The following UTP11 variants were observed in gnomAD, a reference collection of about 807,000 sequenced individuals.
UTP11 encodes UTP11 small subunit processome component.
Under a neutral mutation model 39.0 loss-of-function variants are expected in UTP11, and 29 were observed. That is an observed-to-expected ratio of 0.74 (90% CI 0.55 to 1.01). UTP11 has a LOEUF of 1.01. UTP11 is among the 50% of genes least tolerant of loss of function. The probability of loss-of-function intolerance (pLI) is 0.00; values close to 1 mark genes in which losing one functional copy is unlikely to be tolerated. For missense variants in UTP11, 281 were observed against 306.0 expected (o/e 0.92, Z 0.61); for synonymous variants, 111 against 105.0 (o/e 1.06, Z -0.35).
rs1045818016 is a variant in UTP11 at position 38,014,584 on chromosome 1, G to T, written c.63+1719G>T. Among the ~76,000 whole-genome samples, 4 of 152,140 alleles carry T rather than the reference G, an allele frequency of 2.6e-5. No homozygotes were observed. In the East Asian group the frequency reaches 7.7e-4, roughly 29 times the overall value. On this transcript the variant is annotated intron_variant, in intron 1 of 7. Transcript: ENST00000373014. ...CCCTTTAGCTTGCTTTCTCTACTCTGTTAACCTCCCTTTGCTGTAATTAAA... is the reference window on the plus strand; with the variant it reads ...CCCTTTAGCTTGCTTTCTCTACTCTTTTAACCTCCCTTTGCTGTAATTAAA...
At chr1:38,021,260 T>G (rs1383903165) in intron 6 of UTP11, among the ~76,000 whole-genome samples, 1 of 152,176 alleles carries the variant, frequency 6.6e-6, no homozygotes, top group Non-Finnish European at 1.5e-5. Context: ...CTGACGCTTC[T>G]CAAGAATTGT....
At chr1:38,016,848 G>A in intron 2 of UTP11, 1 of 171,380 alleles carries the variant, frequency 5.8e-6, no homozygotes, top group East Asian at 1.6e-4. Flanking sequence ...ACCAAGCGTG[G>A]GTGATAATGA....
In UTP11 at chr1:38,022,741, C is replaced by T; in HGVS notation, c.610C>T (p.Gln204Ter). 1 of 1,614,002 alleles carries T rather than the reference C, an allele frequency of 6.2e-7. No homozygotes were observed. Among genetic ancestry groups the T allele is most frequent in the Non-Finnish European group, 8.5e-7 (1 of 1,179,940 alleles). Residue 204 changes from glutamine (Q) to a stop codon, truncating the protein, a stop_gained, in exon 7 of 8, where the codon CAG becomes TAG. Coordinates refer to ENST00000373014, the MANE Select transcript of UTP11 (RefSeq NM_016037.4). LOFTEE classifies it high-confidence loss of function. ...ERQKQYNCLTQRIEREKKLFV... is the reference protein window; with the variant it reads ...ERQKQYNCLT ...GCAAAAGCAGTATAACTGCCTGACA[C>T]AGCGGATTGAACGAGAGAAGAAATT...
rs1388899334 is a variant in UTP11 at position 38,024,330 on chromosome 1, C to T, written c.*702C>T. 6 of 151,754 alleles carry T rather than the reference C, an allele frequency of 4.0e-5. No individual in the cohort carries two copies. In the East Asian group the frequency reaches 5.8e-4, roughly 15 times the overall value. The allele number at this position is 151,754 out of a possible 1,614,324, so 9.4% of individuals were successfully genotyped here. A position where few individuals can be genotyped will look rare whatever the true frequency, so the allele number is the denominator to read the frequency against. ...AGTTGATTTCCTCCATTTTGTAAAA[C>T]GAGGCATCACTTTTTGTCCATGTTT... On this transcript the variant is annotated 3_prime_UTR_variant, in exon 8 of 8. Coordinates refer to ENST00000373014, the MANE Select transcript of UTP11 (RefSeq NM_016037.4).
chr1:38,017,700 C>T lies in UTP11; in HGVS notation c.158C>T (p.Ala53Val). Residue 53 changes from alanine to valine, a missense_variant, in exon 3 of 8, where the codon GCT (alanine) becomes GTT (valine). By Grantham distance (64) the Ala-to-Val change is moderately conservative (BLOSUM62 0). Transcript: ENST00000373014. ...CGTAAAAAACAAGAATACCTCAAAG[C>T]TCTTCGGAAGAAGGCTCTTGAAAAA... is the stretch of plus-strand genomic sequence containing the variant. The part of the protein sequence containing the change: ...DYRKKQEYLK[A>V]LRKKALEKNP... 1 of 1,600,588 alleles carries T rather than the reference C, an allele frequency of 6.2e-7. No individual in the cohort carries two copies. The highest frequency in any genetic ancestry group is 8.5e-7 in the Non-Finnish European group (1 of 1,173,866).
chr1:38,019,007 TTG>T, intron 4 of UTP11, 50 bp from the exon 5 acceptor site: 1 of 1,422,752 alleles, frequency 7.0e-7, no homozygotes, highest in Non-Finnish European at 9.5e-7. Flanking sequence ...TTTTTTTTTT[TTG>T]GTACCCTAGA....
intron 1 of UTP11, among the ~76,000 whole-genome samples, chr1:38,013,104 G>A (rs1424666030): frequency 6.6e-6 from 1 of 152,228 alleles, no homozygotes; most frequent in Non-Finnish European, 1.5e-5. Flanking sequence ...TATAAAACCT[G>A]CTCTGGAAGA....
chr1:38,018,924 C>A, intron 4 of UTP11, 135 bp from the exon 5 acceptor site: 1 of 781,430 alleles, frequency 1.3e-6, no homozygotes, highest in Non-Finnish European at 2.0e-6. Flanking sequence ...GGGATCCTTT[C>A]CTTTAAAAGA....
At chr1:38,020,646 C>T (rs1646731107) in intron 6 of UTP11, among the ~76,000 whole-genome samples, 1 of 152,204 alleles carries the variant, frequency 6.6e-6, no homozygotes, top group African/African-American at 2.4e-5. Flanking sequence ...TTTAATTTCA[C>T]AGCAGTTTTC....
In UTP11 at chr1:38,022,770, C is replaced by T. The variant is rs773573374; in HGVS notation, c.639C>T (p.Phe213=). The part of the protein sequence containing the change: ...TQRIEREKKL[F]VIAQKIQTRK... ...GGATTGAACGAGAGAAGAAATTGTT[C>T]GTTATTGCTCAGAAAATTCAAACAC... The change falls in exon 7 of 8, where the codon TTC becomes TTT. Residue 213 remains phenylalanine, a synonymous_variant. Transcript: ENST00000373014. 5.0e-6 allele frequency: 8 copies of T among 1,613,436 alleles called. No individual in the cohort carries two copies. The highest frequency in any genetic ancestry group is 4.0e-5 in the African/African-American group (3 of 74,792).
rs551303006 is a variant in UTP11 at position 38,019,610 on chromosome 1, A to G, written c.567+227A>G. 9.2e-5 allele frequency among the ~76,000 whole-genome samples: 14 copies of G among 151,994 alleles called. No homozygotes were observed. The East Asian group carries it at 2.7e-3, about 29-fold the overall frequency. ...GCAATTCTCATGCCTCAGCCTCCCCAGTAACTGGGACTATAGGGGTGCAAC... is the reference window on the plus strand; with the variant it reads ...GCAATTCTCATGCCTCAGCCTCCCCGGTAACTGGGACTATAGGGGTGCAAC... On this transcript the variant is annotated intron_variant, in intron 6 of 7. Transcript: ENST00000373014.
At position 38,012,740 on chromosome 1, in the gene UTP11, C is replaced by T. The variant is rs1222647677; in HGVS notation, c.-63C>T. ...CCTATTTCCGGTAGGAATCAGTGGACTTGGCGGCAGAGGCAGTGCGGATCC... is the reference window on the plus strand; with the variant it reads ...CCTATTTCCGGTAGGAATCAGTGGATTTGGCGGCAGAGGCAGTGCGGATCC... On this transcript the variant is annotated 5_prime_UTR_variant, in exon 1 of 8. Coordinates refer to ENST00000373014, the MANE Select transcript of UTP11 (RefSeq NM_016037.4). The T allele has an allele frequency of 1.2e-6, 2 of 1,607,642 alleles. No homozygotes were observed. The highest frequency in any genetic ancestry group is 1.3e-5 in the African/African-American group (1 of 74,832).
intron 2 of UTP11, 114 bp from the exon 3 acceptor site, chr1:38,017,554 C>A: frequency 1.3e-6 from 1 of 785,148 alleles, no homozygotes; most frequent in South Asian, 2.2e-5. Flanking sequence ...TTTTGAGTTT[C>A]ACTCTGTGTG....
At chr1:38,013,008 C>A in intron 1 of UTP11, 143 bp downstream of exon 1, 2 of 1,055,496 alleles carry the variant, frequency 1.9e-6, no homozygotes, top group Non-Finnish European at 2.7e-6. Context: ...GCTGGCGTGG[C>A]TGGGGCGGAG....
At chr1:38,023,512 C>A (rs1646749377) in intron 7 of UTP11, 33 bp from the exon 8 acceptor site, 1 of 1,582,604 alleles carries the variant, frequency 6.3e-7, no homozygotes. Flanking sequence ...CCATTTCCTT[C>A]TCTTTACTGA....
intron 6 of UTP11, 126 bp from the exon 7 acceptor site, chr1:38,022,573 G>A: frequency 1.5e-6 from 1 of 660,794 alleles, no homozygotes; most frequent in Non-Finnish European, 2.7e-6. Flanking sequence ...ACCACGTTAT[G>A]TTGATTCTGG....
In UTP11 at chr1:38,019,293, G is replaced by T; in HGVS notation, c.477G>T (p.Pro159=). The T allele has an allele frequency of 6.2e-7, 1 of 1,614,036 alleles. No homozygotes were observed. Among genetic ancestry groups the T allele is most frequent in the Non-Finnish European group, 8.5e-7 (1 of 1,180,014 alleles). Residue 159 remains proline (P), a synonymous_variant, in exon 6 of 8, where the codon CCG becomes CCT. Transcript: ENST00000373014. ...TCGCAACTCACCTGCAAACAGCCCC[G>T]GAGCTAGTCGACAGAGTCTTTAATA... ...FDVATHLQTA[P]ELVDRVFNRP...
At chr1:38,018,952 C>A in intron 4 of UTP11, 107 bp from the exon 5 acceptor site, 2 of 954,886 alleles carry the variant, frequency 2.1e-6, no homozygotes, top group Non-Finnish European at 3.1e-6. Context: ...AAGTTCTTTG[C>A]TGGCTGGCAA....
rs199838732 is a variant in UTP11 at position 38,017,652 on chromosome 1, T to A, written c.126-16T>A. ...TTTTTTTTTTTGCTATGAACCTCATTTAACCTGTCTTTTAGTGACTACCGT... is the reference window on the plus strand; with the variant it reads ...TTTTTTTTTTTGCTATGAACCTCATATAACCTGTCTTTTAGTGACTACCGT... On this transcript the variant is annotated splice_polypyrimidine_tract_variant and intron_variant, in intron 2 of 7. Coordinates refer to ENST00000373014, the MANE Select transcript of UTP11 (RefSeq NM_016037.4). 1.4e-6 allele frequency: 2 copies of A among 1,444,674 alleles called. No individual in the cohort carries two copies. The highest frequency in any genetic ancestry group is 1.9e-6 in the Non-Finnish European group (2 of 1,074,254). 89.5% of individuals were successfully genotyped at this position (1,444,674 alleles called of 1,614,324 possible). A position where few individuals can be genotyped will look rare whatever the true frequency, so the allele number is the denominator to read the frequency against.
Sources: allele counts gnomAD v4.1 joint callset (sites outside exome capture counted in the v4.1 genomes callset), GRCh38; gene constraint gnomAD v4.1.1; transcripts MANE v1.5; gene names NCBI Gene and HGNC (gene_info 2026-07-23, HGNC 2026-07-21).